Variants in PCDHGA1 observed in about 807,000 individuals in gnomAD.
PCDHGA1 encodes the protein protocadherin gamma-A1.
A neutral mutation model predicts 58.0 loss-of-function variants in PCDHGA1; 32 were observed. That is an observed-to-expected ratio of 0.55 (90% CI 0.42 to 0.74). The LOEUF is 0.74. PCDHGA1 is among the 30% of genes least tolerant of loss of function. The pLI, the probability that PCDHGA1 is intolerant of heterozygous loss-of-function variation, is 0.00. For synonymous variants in PCDHGA1, 498 were observed against 501.1 expected (o/e 0.99, Z 0.08); for missense variants, 1,205 against 1,182.3 (o/e 1.02, Z -0.28).
intron 1 of PCDHGA1, among the ~76,000 whole-genome samples, chr5:141,445,920 A>C (rs1343777309): frequency 6.6e-6 from 1 of 152,212 alleles, no homozygotes; most frequent in African/African-American, 2.4e-5. Context: ...GGCAGTGACA[A>C]GATATTTGAA....
intron 1 of PCDHGA1, chr5:141,374,104 T>C (rs200348921): frequency 1.6e-4 from 247 of 1,570,492 alleles, no homozygotes; most frequent in African/African-American, 4.1e-5. Context: ...CGCAGAGGCA[T>C]CCGCAGCGCA....
intron 1 of PCDHGA1, among the ~76,000 whole-genome samples, chr5:141,458,526 A>T (rs921943954): frequency 1.7e-4 from 26 of 151,492 alleles, no homozygotes; most frequent in African/African-American, 5.6e-4. Flanking sequence ...TTTTTTTTTA[A>T]CTTATCAACT....
At chr5:141,475,161 A>G (rs1433985907) in intron 1 of PCDHGA1, among the ~76,000 whole-genome samples, 1 of 152,138 alleles carries the variant, frequency 6.6e-6, no homozygotes, top group Non-Finnish European at 1.5e-5. Context: ...CTTCTTCATT[A>G]GCAGTGCAAC....
chr5:141,421,861 C>T, intron 1 of PCDHGA1: 2 of 1,613,738 alleles, frequency 1.2e-6, no homozygotes, highest in South Asian at 2.2e-5. Flanking sequence ...TCACCTGCTC[C>T]TCCTCACAGC....
chr5:141,333,377 T>C (rs955130589), intron 1 of PCDHGA1: 1 of 553,960 alleles, frequency 1.8e-6, no homozygotes, highest in Non-Finnish European at 3.0e-6. Context: ...GAAAGAGCAC[T>C]GCATTAGAAA....
chr5:141,410,079 T>A, intron 1 of PCDHGA1: 1 of 1,612,494 alleles, frequency 6.2e-7, no homozygotes, highest in Non-Finnish European at 8.5e-7. Context: ...ACTGGGGAGG[T>A]GCGCACGGCT....
chr5:141,404,860 T>G (rs3749769), intron 1 of PCDHGA1: 7 of 1,613,630 alleles, frequency 4.3e-6, no homozygotes, highest in Admixed American at 1.7e-5. Context: ...TAGATAGAGA[T>G]GCGCTCAAAC....
intron 2 of PCDHGA1, among the ~76,000 whole-genome samples, chr5:141,501,365 A>G (rs1360125423): frequency 1.3e-5 from 2 of 151,500 alleles, no homozygotes; most frequent in Admixed American, 6.6e-5. Flanking sequence ...AACCATATTC[A>G]TCATCTCTTA....
chr5:141,343,732 AAAT>A (rs1483956489), intron 1 of PCDHGA1: 14 of 264,170 alleles, frequency 5.3e-5, no homozygotes, highest in South Asian at 2.8e-4. Flanking sequence ...GATAATTCAA[AAAT>A]AATAATGTGT....
chr5:141,349,791 A>AT (rs199730073), intron 1 of PCDHGA1, among the ~76,000 whole-genome samples: 8 of 151,584 alleles, frequency 5.3e-5, no homozygotes, highest in Non-Finnish European at 5.9e-5. Flanking sequence ...ATCACTGAAG[A>AT]TTTTTTTTTA....
intron 1 of PCDHGA1, chr5:141,360,588 A>C (rs1761664531): frequency 1.2e-6 from 2 of 1,613,888 alleles, no homozygotes; most frequent in Non-Finnish European, 1.7e-6. Context: ...CAGGTACAAC[A>C]TTTCCACTTG....
chr5:141,405,797 T>C (rs1589594153), intron 1 of PCDHGA1, among the ~76,000 whole-genome samples: 1 of 148,508 alleles, frequency 6.7e-6, no homozygotes, highest in Non-Finnish European at 1.5e-5. Flanking sequence ...CTATTATAGT[T>C]AGCTTTCTCT....
chr5:141,460,950 T>C (rs1458616371), intron 1 of PCDHGA1, among the ~76,000 whole-genome samples: 1 of 135,948 alleles, frequency 7.4e-6, no homozygotes, highest in East Asian at 2.0e-4. Flanking sequence ...ATATGTATTA[T>C]GTATATATAT....
rs758515649 is a variant in PCDHGA1 at position 141,432,368 on chromosome 5, A to G, written c.2422-62439A>G. On this transcript the variant is annotated intron_variant, in intron 1 of 3. Coordinates refer to ENST00000517417, the MANE Select transcript of PCDHGA1 (RefSeq NM_018912.3). This position sits in a 1 kb window ranked among gnomAD's most constrained non-coding sequence, Gnocchi z 6.0. ...GCAAGTGAAAGTGATGGCGCGGGAC[A>G]ACGGGCACCCGCCCCTCAGCAGCAA... 1.2e-6 allele frequency: 2 copies of G among 1,614,110 alleles called. No homozygotes were observed. Among genetic ancestry groups the G allele is most frequent in the Non-Finnish European group, 1.7e-6 (2 of 1,180,054 alleles).
intron 1 of PCDHGA1, among the ~76,000 whole-genome samples, chr5:141,447,275 G>A (rs2098532748): frequency 1.3e-5 from 2 of 152,154 alleles, no homozygotes; most frequent in South Asian, 2.1e-4. Context: ...AAGTAGCTGG[G>A]ACTACAGGCA....
intron 1 of PCDHGA1, chr5:141,351,458 C>G (rs1166702741): frequency 6.2e-7 from 1 of 1,613,310 alleles, no homozygotes; most frequent in Admixed American, 1.7e-5. Context: ...TTATTACAAG[C>G]TGGTGATTGC....
At chr5:141,441,187 AT>A (rs1349788972) in intron 1 of PCDHGA1, 1 of 152,214 alleles carries the variant, frequency 6.6e-6, no homozygotes, top group Non-Finnish European at 1.5e-5. Context: ...TTCCACAATG[AT>A]TCCCAAAGAT....
In PCDHGA1 at chr5:141,414,837, G is replaced by C. The variant is rs776651290; in HGVS notation, c.2422-79970G>C. On this transcript the variant is annotated intron_variant, in intron 1 of 3. Coordinates refer to ENST00000517417, the MANE Select transcript of PCDHGA1 (RefSeq NM_018912.3). ...TCAGCAGCAACGTGTCGTTGAGCCT[G>C]TTTGTGCTGGACCAGAACGACAATG... The C allele has an allele frequency of 2.4e-5, 38 of 1,614,232 alleles. No homozygotes were observed. In the Admixed American group the frequency reaches 5.8e-4, roughly 25 times the overall value.
chr5:141,382,749 G>C, intron 1 of PCDHGA1: 1 of 612,214 alleles, frequency 1.6e-6, no homozygotes, highest in Non-Finnish European at 2.8e-6. Context: ...GACAGATTGC[G>C]ATAAGCCCTC....
Sources: gnomAD v4.1 joint callset for allele counts (sites outside exome capture counted in the v4.1 genomes callset) on GRCh38, gnomAD v4.1.1 for gene constraint, Gnocchi (gnomAD v3.1) non-coding constraint, MANE v1.5 for transcripts, NCBI Gene and HGNC (gene_info 2026-07-23, HGNC 2026-07-21) for gene names.